HOXC4: variants seen among roughly 807,000 people sequenced by gnomAD.
HOXC4 encodes the protein homeobox C4.
Under a neutral mutation model 25.5 loss-of-function variants are expected in HOXC4, and 15 were observed. The observed-to-expected ratio is 0.59, with a 90% CI of 0.39 to 0.91. HOXC4 has a LOEUF of 0.91. HOXC4 is among the 40% of genes least tolerant of loss of function. The pLI, the probability that HOXC4 is intolerant of heterozygous loss-of-function variation, is 0.00. For synonymous variants in HOXC4, 165 were observed against 148.0 expected (o/e 1.11, Z -0.83); for missense variants, 342 against 352.4 (o/e 0.97, Z 0.24).
intron 1 of HOXC4, among the ~76,000 whole-genome samples, chr12:54,046,444 G>C (rs866459260): frequency 7.2e-5 from 11 of 152,242 alleles, no homozygotes; most frequent in Middle Eastern, 3.4e-3. Context: ...TCGTAGGTCA[G>C]GGGACAGGGA....
intron 1 of HOXC4, chr12:54,034,228 G>A (rs754274057): frequency 9.2e-6 from 14 of 1,515,882 alleles, no homozygotes; most frequent in Admixed American, 5.0e-5. Context: ...ACGGGGGAAC[G>A]CTGCAAGCTA....
In HOXC4 at chr12:54,032,445, A is replaced by G. The variant is rs980722544; in HGVS notation, c.-124+15031A>G. ...AGGGACTTCTACCTTTGGTTTAGGGAACCTAAGTTAAACCCCATTGGTTCT... is the reference window on the plus strand; with the variant it reads ...AGGGACTTCTACCTTTGGTTTAGGGGACCTAAGTTAAACCCCATTGGTTCT... On this transcript the variant is annotated intron_variant, in intron 1 of 3. Transcript: ENST00000303406. 6.6e-5 allele frequency among the ~76,000 whole-genome samples: 10 copies of G among 152,326 alleles called. No individual in the cohort carries two copies. The East Asian group carries it at 1.5e-3, about 23-fold the overall frequency.
chr12:54,026,974 G>C lies in HOXC4; in HGVS notation c.-124+9560G>C, dbSNP rs1047639883. Among the ~76,000 whole-genome samples, 51 of 132,920 alleles carry C rather than the reference G, an allele frequency of 3.8e-4. 1 individual carries two copies. Among genetic ancestry groups the C allele is most frequent in the Non-Finnish European group, 6.6e-4 (41 of 61,976 alleles). 87.2% of individuals were successfully genotyped at this position (132,920 alleles called of 152,430 possible). ...CCCACCCAAAAATGGTGGGGGGGGG[G>C]GGATATGAGCTTTCTCTGCTCCCCG... On this transcript the variant is annotated intron_variant, in intron 1 of 3. Transcript: ENST00000303406.
intron 1 of HOXC4, among the ~76,000 whole-genome samples, chr12:54,048,260 T>C (rs1728224175): frequency 6.6e-6 from 1 of 151,942 alleles, no homozygotes; most frequent in Admixed American, 6.6e-5. Context: ...ATGGTAATGA[T>C]CTGGTATGGC....
chr12:54,041,440 G>C (rs1428739425), intron 1 of HOXC4, among the ~76,000 whole-genome samples: 1 of 152,176 alleles, frequency 6.6e-6, no homozygotes, highest in South Asian at 2.1e-4. Context: ...ATGGACTGTG[G>C]CACCTGGACC....
Position 54,053,993 on chromosome 12 carries a change from C to T in HOXC4, c.71C>T (p.Ser24Leu). 6.2e-7 allele frequency: 1 copy of T among 1,614,152 alleles called. No individual in the cohort carries two copies. Among genetic ancestry groups the T allele is most frequent in the Non-Finnish European group, 8.5e-7 (1 of 1,180,000 alleles). The change falls in exon 1 of 2, where the codon TCG becomes TTG. Residue 24 changes from serine (S) to leucine (L), a missense_variant. Physicochemically the swap from Ser to Leu is moderately radical, Grantham distance 145. Coordinates refer to ENST00000430889, the MANE Select transcript of HOXC4 (RefSeq NM_153633.3). ...DPKFPPCEEY[S>L]QNSYIPEHSP... ...AAATTTCCTCCATGCGAAGAATATT[C>T]GCAAAATAGCTACATCCCTGAACAC...
chr12:54,019,839 T>A (rs996921694), intron 1 of HOXC4: 1 of 152,038 alleles, frequency 6.6e-6, no homozygotes, highest in Non-Finnish European at 1.5e-5. Flanking sequence ...TGATTTTCTG[T>A]CCCTTCCTGG....
chr12:54,028,433 C>G (rs553927426), intron 1 of HOXC4: 26 of 1,395,314 alleles, frequency 1.9e-5, no homozygotes, highest in East Asian at 4.6e-5. Context: ...GGATTGGAGC[C>G]GTCCCTATAA....
chr12:54,036,326 G>A (rs370626293), intron 1 of HOXC4, among the ~76,000 whole-genome samples: 6 of 152,192 alleles, frequency 3.9e-5, no homozygotes, highest in African/African-American at 9.7e-5. Flanking sequence ...CTGGTGGGGT[G>A]AGGGTCTGGA....
At chr12:54,047,267 G>C (rs1280643017) in intron 1 of HOXC4, among the ~76,000 whole-genome samples, 1 of 152,226 alleles carries the variant, frequency 6.6e-6, no homozygotes, top group Non-Finnish European at 1.5e-5. Flanking sequence ...ACCCACACAG[G>C]GAACGTTTTC....
intron 1 of HOXC4, chr12:54,028,402 C>A: frequency 8.6e-7 from 1 of 1,163,918 alleles, no homozygotes. Flanking sequence ...GGTCAGCTGA[C>A]TTTGTCATTT....
At chr12:54,017,051 T>C (rs1175719749) in exon 1 of HOXC4, 1 of 132,368 alleles carries the variant, frequency 7.6e-6, no homozygotes, top group Middle Eastern at 3.4e-3. Flanking sequence ...TGGGGGCAGC[T>C]GGGGAGGGTG....
At chr12:54,025,010 A>G (rs1005838645) in intron 1 of HOXC4, among the ~76,000 whole-genome samples, 4 of 152,198 alleles carry the variant, frequency 2.6e-5, no homozygotes, top group Admixed American at 2.0e-4. Context: ...GAAAGTGAAA[A>G]TCTGCTCTTG....
upstream of HOXC4, among the ~76,000 whole-genome samples, chr12:54,051,416 C>T (rs1937843679): frequency 7.3e-6 from 1 of 137,704 alleles, no homozygotes; most frequent in African/African-American, 2.9e-5. Flanking sequence ...ACCCCCACCA[C>T]CAATGATTAA....
Position 54,054,209 on chromosome 12 carries a change from C to A in HOXC4, c.287C>A (p.Ser96Ter). 6.2e-7 allele frequency: 1 copy of A among 1,612,706 alleles called. No homozygotes were observed. Among genetic ancestry groups the A allele is most frequent in the Non-Finnish European group, 8.5e-7 (1 of 1,179,364 alleles). ...AGHHHPEKSQ[S>*]LCEPAPLSGA... ...CACCACCACCCCGAGAAATCACAGT[C>A]GCTCTGCGAGCCGGCGCCTCTCTCA... is the stretch of plus-strand genomic sequence containing the variant. The change falls in exon 1 of 2, where the codon TCG becomes TAG. Residue 96 changes from serine (S) to a stop codon, truncating the protein, a stop_gained. Transcript: ENST00000430889. LOFTEE classifies it high-confidence loss of function.
intron 1 of HOXC4, chr12:54,019,806 G>A (rs1940347944): frequency 6.6e-6 from 1 of 152,088 alleles, no homozygotes; most frequent in African/African-American, 2.4e-5. Context: ...CCATCCTGAG[G>A]TGTCTTTATA....
At chr12:54,044,738 T>TGTGTGA (rs1324912079) in intron 1 of HOXC4, among the ~76,000 whole-genome samples, 1 of 151,990 alleles carries the variant, frequency 6.6e-6, no homozygotes, top group Non-Finnish European at 1.5e-5. Flanking sequence ...TGTGTGTGTG[T>TGTGTGA]GTGTGTAAGC....
At chr12:54,033,307 A>G in intron 1 of HOXC4, 1 of 1,614,102 alleles carries the variant, frequency 6.2e-7, no homozygotes, top group Non-Finnish European at 8.5e-7. Flanking sequence ...CACGGGGTAG[A>G]CATGGCTGCC....
intron 1 of HOXC4, chr12:54,029,728 G>A: frequency 6.2e-7 from 1 of 1,614,230 alleles, no homozygotes; most frequent in South Asian, 1.1e-5. Context: ...AACTGGAGAA[G>A]GAATTTCACT....
Sources: allele counts gnomAD v4.1 joint callset (sites outside exome capture counted in the v4.1 genomes callset), GRCh38; gene constraint gnomAD v4.1.1; transcripts MANE v1.5; gene names NCBI Gene and HGNC (gene_info 2026-07-23, HGNC 2026-07-21).